The following RIMBP2 variants were observed in gnomAD, a reference collection of about 807,000 sequenced individuals.
The protein encoded by RIMBP2 is RIMS binding protein 2, also known as RIMS-binding protein 2.
A neutral mutation model predicts 118.6 loss-of-function variants in RIMBP2; 48 were observed. The ratio of observed to expected loss-of-function variants is 0.40; its 90% CI spans 0.32 to 0.51. The LOEUF (loss-of-function observed/expected upper bound fraction) is 0.51. Among genes scored for constraint, RIMBP2 ranks in the 20% least tolerant of loss-of-function variants. The pLI is 0.41. For synonymous variants in RIMBP2, 762 were observed against 742.9 expected, an observed-to-expected ratio of 1.03 and a Z score of -0.42; for missense variants, 1,551 against 1,768.3, an observed-to-expected ratio of 0.88 and a Z score of 2.20.
chr12:130,639,238 A>T (rs2141015492), intron 1 of RIMBP2, among the ~76,000 whole-genome samples: 1 of 151,862 alleles, frequency 6.6e-6, no homozygotes, highest in East Asian at 1.9e-4. Flanking sequence ...AAAATACAAA[A>T]ATTAGCCGGG....
intron 1 of RIMBP2, among the ~76,000 whole-genome samples, chr12:130,681,965 G>A (rs926585413): frequency 6.6e-6 from 1 of 152,170 alleles, no homozygotes; most frequent in African/African-American, 2.4e-5. Context: ...CCAAAATGCT[G>A]GGATTACAGG....
chr12:130,473,299 G>A (rs1024025234), intron 5 of RIMBP2, among the ~76,000 whole-genome samples: 8 of 152,236 alleles, frequency 5.3e-5, no homozygotes, highest in Non-Finnish European at 1.0e-4. Flanking sequence ...CGACCTTTAC[G>A]GAGAGTGGTT....
intron 21 of RIMBP2, among the ~76,000 whole-genome samples, chr12:130,402,114 CCCTT>C (rs1351420780): frequency 3.9e-5 from 6 of 152,328 alleles, no homozygotes; most frequent in African/African-American, 9.6e-5. Flanking sequence ...CCATGTCACT[CCCTT>C]CCCCATGTCT....
chr12:130,651,703 CTTAAG>C (rs775432211), intron 1 of RIMBP2, among the ~76,000 whole-genome samples: 1 of 152,206 alleles, frequency 6.6e-6, no homozygotes, highest in Non-Finnish European at 1.5e-5. Flanking sequence ...TTGTGAGAGT[CTTAAG>C]TTAAAGATTT....
rs149143799 is a variant in RIMBP2 at position 130,703,183 on chromosome 12, A to C, written c.-352+13039T>G. On this transcript the variant is annotated intron_variant, in intron 1 of 22. Transcript: ENST00000690449. The surrounding 1 kb of genome is among the most constrained non-coding windows in gnomAD (Gnocchi z 5.7). The stretch of plus-strand genomic sequence containing the variant: ...TGCCAAAGTGGTCCGGCCTCCTAGC[A>C]TGGGGGCAGCCAATTAACCAGGAGA... Among the ~76,000 whole-genome samples, 398 of 152,200 alleles carry C rather than the reference A, an allele frequency of 2.6e-3. 1 individual carries two copies. Among genetic ancestry groups the C allele is most frequent in the African/African-American group, 9.2e-3 (383 of 41,530 alleles).
intron 2 of RIMBP2, among the ~76,000 whole-genome samples, chr12:130,577,499 C>T (rs527989256): frequency 7.9e-5 from 12 of 152,256 alleles, no homozygotes; most frequent in African/African-American, 2.9e-4. Context: ...CAGGAGAGAG[C>T]ACAAGCATGC....
rs776932506 is a variant in RIMBP2, at chr12:130,422,458, G to A, written c.3233C>T (p.Ser1078Phe). The A allele has an allele frequency of 5.6e-6, 9 of 1,607,336 alleles. No homozygotes were observed. In the Middle Eastern group the frequency reaches 6.6e-4, roughly 118 times the overall value. ...PQRSRPVTVPSIDDYGRDRLS... is the reference protein window; with the variant it reads ...PQRSRPVTVPFIDDYGRDRLS... The stretch of plus-strand genomic sequence containing the variant: ...GCGATGATGGGGCCACTAACCGATG[G>A]ATGGGACTGTCACGGGCCGGGACCT... The change falls in exon 17 of 23, where the codon TCC (serine) becomes TTC (phenylalanine). Residue 1078 changes from serine (S) to phenylalanine (F), a missense_variant. Around this residue, in one of 5 missense-constraint regions of RIMBP2, gnomAD observed 1,038 missense variants for 1,125.1 expected, o/e 0.92. Coordinates refer to ENST00000690449, the MANE Select transcript of RIMBP2 (RefSeq NM_001393629.1). This position sits in a 1 kb window ranked among gnomAD's most constrained non-coding sequence, Gnocchi z 5.2.
intron 4 of RIMBP2, among the ~76,000 whole-genome samples, chr12:130,501,645 T>A (rs1402982448): frequency 6.6e-6 from 1 of 152,234 alleles, no homozygotes; most frequent in African/African-American, 2.4e-5. Flanking sequence ...TTAATTTGCA[T>A]GTAATTAAAA....
intron 2 of RIMBP2, among the ~76,000 whole-genome samples, chr12:130,542,200 T>C (rs1250731313): frequency 2.7e-5 from 4 of 146,430 alleles, no homozygotes; most frequent in Non-Finnish European, 5.9e-5. Context: ...GCAGAGGCCT[T>C]AATGATGTGA....
At position 130,442,310 on chromosome 12, in the gene RIMBP2, T is replaced by C; in HGVS notation, c.1042A>G (p.Ser348Gly). ...AVPPGWGTVS[S>G]YNVLVDKETR... is the part of the protein sequence containing the mutation. ...TCCTTGTCCACCAGGACGTTGTAGC[T>C]GCTCACCGTTCCCCATCCTGGTGGC... Residue 348 changes from serine to glycine, a missense_variant, in exon 11 of 23, where the codon AGC becomes GGC. Ser to Gly is a moderately conservative substitution (Grantham distance 56). Transcript: ENST00000690449. The surrounding 1 kb of genome is among the most constrained non-coding windows in gnomAD (Gnocchi z 6.9). 1 of 1,614,214 alleles carries C rather than the reference T, an allele frequency of 6.2e-7. No individual in the cohort carries two copies. Among genetic ancestry groups the C allele is most frequent in the African/African-American group, 1.3e-5 (1 of 75,064 alleles).
Position 130,577,913 on chromosome 12 carries a change from GGTAACTATAT to G in RIMBP2, c.-217+50399_-217+50408del, listed in dbSNP as rs1354136868. Among the ~76,000 whole-genome samples the G allele has an allele frequency of 3.9e-5, 6 of 152,222 alleles. No homozygotes were observed. In the East Asian group the frequency reaches 1.2e-3, roughly 29 times the overall value. On this transcript the variant is annotated intron_variant, in intron 2 of 22. Transcript: ENST00000690449. ...AGTAACGTAACCTTTGTGGTATACAGGTAACTATATGCCGATTAGCTTGATAGTGGTAATC... is the reference window on the plus strand; with the variant it reads ...AGTAACGTAACCTTTGTGGTATACAGGCCGATTAGCTTGATAGTGGTAATC...
chr12:130,666,914 AAG>A (rs376110824), intron 1 of RIMBP2, among the ~76,000 whole-genome samples: 13 of 121,614 alleles, frequency 1.1e-4, no homozygotes, highest in Non-Finnish European at 2.1e-4. Context: ...GGGAGGGAGA[AAG>A]AGAGGGAGGG....
intron 1 of RIMBP2, among the ~76,000 whole-genome samples, chr12:130,678,850 G>A (rs1300782056): frequency 1.3e-5 from 2 of 152,150 alleles, no homozygotes; most frequent in African/African-American, 4.8e-5. Context: ...TGTCCAGAAT[G>A]TGCAGGAAAA....
At chr12:130,564,465 T>C (rs1377605560) in intron 2 of RIMBP2, among the ~76,000 whole-genome samples, 1 of 152,148 alleles carries the variant, frequency 6.6e-6, no homozygotes. Flanking sequence ...GCAACAATGG[T>C]ATAACAAATG....
At chr12:130,665,063 C>T (rs1183116093) in intron 1 of RIMBP2, among the ~76,000 whole-genome samples, 1 of 151,636 alleles carries the variant, frequency 6.6e-6, no homozygotes, top group Non-Finnish European at 1.5e-5. Context: ...CAAACCCTAC[C>T]ACAACTCCTG....
chr12:130,483,609 G>A (rs1012622076), intron 4 of RIMBP2, among the ~76,000 whole-genome samples: 7 of 148,644 alleles, frequency 4.7e-5, no homozygotes, highest in African/African-American at 1.8e-4. Flanking sequence ...GTGGGTGGAA[G>A]GCGGGATACA....
intron 2 of RIMBP2, among the ~76,000 whole-genome samples, chr12:130,565,058 G>A (rs950607235): frequency 6.6e-6 from 1 of 152,024 alleles, no homozygotes; most frequent in African/African-American, 2.4e-5. Context: ...AGCAGCAGGG[G>A]GAAGGAAATG....
intron 1 of RIMBP2, among the ~76,000 whole-genome samples, chr12:130,674,973 T>C (rs1382605217): frequency 6.6e-6 from 1 of 152,194 alleles, no homozygotes; most frequent in African/African-American, 2.4e-5. Flanking sequence ...GATTCCATCG[T>C]GTGGATGGAA....
rs531649352 is a variant in RIMBP2, at chr12:130,420,073, T to C, written c.3238+2380A>G. Among the ~76,000 whole-genome samples the C allele has an allele frequency of 2.0e-5, 3 of 152,352 alleles. No individual in the cohort carries two copies. The South Asian group carries it at 6.2e-4, about 32-fold the overall frequency. On this transcript the variant is annotated intron_variant, in intron 17 of 22. Coordinates refer to ENST00000690449, the MANE Select transcript of RIMBP2 (RefSeq NM_001393629.1). This position sits in a 1 kb window ranked among gnomAD's most constrained non-coding sequence, Gnocchi z 4.3. ...TGAAATATAGATTTCTAAAATATTG[T>C]TTTCTAGTATTTTCACAAGAAAAAT...
Sources: allele counts gnomAD v4.1 joint callset (sites outside exome capture counted in the v4.1 genomes callset), GRCh38; gene constraint gnomAD v4.1.1; regional missense constraint gnomAD v4.1.1; non-coding constraint Gnocchi (gnomAD v3.1); transcripts MANE v1.5; gene names NCBI Gene and HGNC (gene_info 2026-07-23, HGNC 2026-07-21).